Variants in CMYA5 observed in about 807,000 individuals in gnomAD.
The protein encoded by CMYA5 is cardiomyopathy-associated protein 5.
CMYA5 carries 246 observed loss-of-function variants against 318.9 expected under a neutral mutation model. The observed-to-expected ratio is 0.77, with a 90% CI of 0.70 to 0.86. The LOEUF is 0.86. Ranked by LOEUF, CMYA5 falls within the 40% of genes least tolerant of loss-of-function variation. The pLI is 0.00. For synonymous variants in CMYA5, 1,641 were observed against 1,729.5 expected, an observed-to-expected ratio of 0.95 and a Z score of 1.27; for missense variants, 4,589 against 4,678.2, an observed-to-expected ratio of 0.98 and a Z score of 0.56.
At chr5:79,766,122 G>A (rs550580185) in intron 9 of CMYA5, among the ~76,000 whole-genome samples, 19 of 152,098 alleles carry the variant, frequency 1.2e-4, no homozygotes, top group African/African-American at 2.7e-4. Flanking sequence ...TTTTTGAGAC[G>A]GGGTGTCCCT....
rs768761067 is a variant in CMYA5 at position 79,790,955 on chromosome 5, T to C, written c.11690-15T>C. On this transcript the variant is annotated splice_polypyrimidine_tract_variant and intron_variant, in intron 10 of 12. Transcript: ENST00000446378. ...TTGTGGCAATGTTTTAATACTATTTTCTCACCTGCAATAGGAACCAGATTT... is the reference window on the plus strand; with the variant it reads ...TTGTGGCAATGTTTTAATACTATTTCCTCACCTGCAATAGGAACCAGATTT... 7.6e-6 allele frequency: 12 copies of C among 1,579,780 alleles called. No individual in the cohort carries two copies. Among genetic ancestry groups the C allele is most frequent in the East Asian group, 6.7e-5 (3 of 44,716 alleles).
chr5:79,708,257 C>G (rs1484261147), intron 1 of CMYA5, among the ~76,000 whole-genome samples: 2 of 152,186 alleles, frequency 1.3e-5, no homozygotes, highest in Non-Finnish European at 2.9e-5. Context: ...AAGATAATGA[C>G]ACATAGTTTC....
intron 1 of CMYA5, among the ~76,000 whole-genome samples, chr5:79,713,995 G>T (rs188590926): frequency 6.6e-6 from 1 of 152,088 alleles, no homozygotes; most frequent in Admixed American, 6.6e-5. Context: ...GTATCCCACC[G>T]TTAGCCAATT....
chr5:79,758,668 A>C, intron 6 of CMYA5, 85 bp from the exon 7 acceptor site: 1 of 1,154,104 alleles, frequency 8.7e-7, no homozygotes, highest in Non-Finnish European at 1.2e-6. Context: ...TATTCTTTGA[A>C]TATTTTTCAA....
At chr5:79,794,092 G>A (rs1016421314) in intron 12 of CMYA5, among the ~76,000 whole-genome samples, 1 of 152,208 alleles carries the variant, frequency 6.6e-6, no homozygotes, top group Non-Finnish European at 1.5e-5. Context: ...GGAATCAACA[G>A]GAGTGAGGAA....
In CMYA5 at chr5:79,732,368, G is replaced by T; in HGVS notation, c.3603G>T (p.Leu1201Phe). ...AAGCTGCAGATGAACAGATGGCTTT[G>T]TCAAAAGTCAGAAAGGAAGAAATTG... ...TLKAADEQMA[L>F]SKVRKEEIVP... The change falls in exon 2 of 13, where the codon TTG (leucine) becomes TTT (phenylalanine). Residue 1201 changes from leucine to phenylalanine, a missense_variant. Around this residue, in one of 3 missense-constraint regions of CMYA5, gnomAD observed 2,132 missense variants for 2,131.3 expected, o/e 1.00. Coordinates refer to ENST00000446378, the MANE Select transcript of CMYA5 (RefSeq NM_153610.5). 6.2e-7 allele frequency: 1 copy of T among 1,613,708 alleles called. No individual in the cohort carries two copies. The highest frequency in any genetic ancestry group is 8.5e-7 in the Non-Finnish European group (1 of 1,179,810).
At position 79,734,084 on chromosome 5, in the gene CMYA5, A is replaced by G. The variant is rs1580771099; in HGVS notation, c.5319A>G (p.Pro1773=). ...GAAATCAAGAAATAGGCCCATTACC[A>G]CCAACTGGAAATTTGAAGGCACAAG... ...KGGNQEIGPL[P]PTGNLKAQVM... is the part of the protein sequence containing the mutation. The change falls in exon 2 of 13, where the codon CCA becomes CCG. Residue 1773 remains proline, a synonymous_variant. Coordinates refer to ENST00000446378, the MANE Select transcript of CMYA5 (RefSeq NM_153610.5). 1.9e-6 allele frequency: 3 copies of G among 1,613,780 alleles called. No individual in the cohort carries two copies. Among genetic ancestry groups the G allele is most frequent in the Non-Finnish European group, 2.5e-6 (3 of 1,179,822 alleles).
Position 79,799,480 on chromosome 5 carries a change from C to T in CMYA5, c.12074C>T (p.Ala4025Val). The T allele has an allele frequency of 6.2e-7, 1 of 1,614,026 alleles. No homozygotes were observed. The highest frequency in any genetic ancestry group is 8.5e-7 in the Non-Finnish European group (1 of 1,179,904). ...AACCAGAGACTTATCTTCATCAACG[C>T]AGAGAGCGAGCAGTTGCTCTTCATC... ...YNNQRLIFIN[A>V]ESEQLLFIIR... Residue 4025 changes from alanine (A) to valine (V), a missense_variant, in exon 13 of 13, where the codon GCA becomes GTA. Physicochemically the swap from Ala to Val is moderately conservative, Grantham distance 64. This residue lies in a region of CMYA5 where 2,431 missense variants were observed against 2,495.1 expected (regional missense o/e 0.97). Transcript: ENST00000446378.
intron 9 of CMYA5, among the ~76,000 whole-genome samples, chr5:79,779,058 C>A (rs1483350993): frequency 4.6e-4 from 24 of 52,304 alleles, no homozygotes; most frequent in African/African-American, 2.7e-3. Context: ...TGCTATCCCT[C>A]CCCCCTCCCC....
At chr5:79,712,403 G>C (rs1827412494) in intron 1 of CMYA5, among the ~76,000 whole-genome samples, 1 of 151,908 alleles carries the variant, frequency 6.6e-6, no homozygotes, top group South Asian at 2.1e-4. Flanking sequence ...TGTATAGATG[G>C]GGTATCACCA....
intron 7 of CMYA5, among the ~76,000 whole-genome samples, chr5:79,761,001 G>A (rs1580792593): frequency 6.6e-6 from 1 of 152,078 alleles, no homozygotes; most frequent in East Asian, 1.9e-4. Flanking sequence ...TTTTGAAGAT[G>A]TGACATTCAA....
chr5:79,716,521 A>G (rs1039794871), intron 1 of CMYA5, among the ~76,000 whole-genome samples: 5 of 152,266 alleles, frequency 3.3e-5, no homozygotes, highest in Non-Finnish European at 5.9e-5. Context: ...TGTTTTACTA[A>G]TAGATGTCCT....
intron 1 of CMYA5, among the ~76,000 whole-genome samples, chr5:79,726,910 T>C (rs903125280): frequency 6.5e-5 from 5 of 76,508 alleles, no homozygotes; most frequent in African/African-American, 1.1e-4. Flanking sequence ...AGGCCAGTGA[T>C]TTTTTTTTTT....
At position 79,756,754 on chromosome 5, in the gene CMYA5, C is replaced by A. The variant is rs377265189; in HGVS notation, c.11111-1999C>A. On this transcript the variant is annotated intron_variant, in intron 6 of 12. Coordinates refer to ENST00000446378, the MANE Select transcript of CMYA5 (RefSeq NM_153610.5). ...TTCTCATTTGTACCTTCTTGCTGAA[C>A]TGATCTTTATTTTTCTTTTCCTTTG... is the stretch of plus-strand genomic sequence containing the variant. Among the ~76,000 whole-genome samples the A allele has an allele frequency of 1.1e-4, 16 of 152,234 alleles. No individual in the cohort carries two copies. In the East Asian group the frequency reaches 1.2e-3, roughly 11 times the overall value.
At chr5:79,720,050 T>C (rs1232553417) in intron 1 of CMYA5, among the ~76,000 whole-genome samples, 2 of 152,222 alleles carry the variant, frequency 1.3e-5, no homozygotes, top group Non-Finnish European at 2.9e-5. Flanking sequence ...ACACACAGGA[T>C]ACAGTGAAAT....
At chr5:79,753,273 C>T (rs1331411185) in intron 6 of CMYA5, among the ~76,000 whole-genome samples, 1 of 152,152 alleles carries the variant, frequency 6.6e-6, no homozygotes, top group East Asian at 1.9e-4. Flanking sequence ...AGCTCAGCAC[C>T]ATGGTCTGTA....
chr5:79,772,614 TC>T (rs1309038473), intron 9 of CMYA5, among the ~76,000 whole-genome samples: 1 of 152,168 alleles, frequency 6.6e-6, no homozygotes, highest in African/African-American at 2.4e-5. Flanking sequence ...ATCAGAGCCA[TC>T]CCCCATCAAT....
intron 1 of CMYA5, among the ~76,000 whole-genome samples, chr5:79,695,424 A>G (rs1324666584): frequency 2.0e-5 from 3 of 152,230 alleles, no homozygotes; most frequent in Admixed American, 2.0e-4. Flanking sequence ...CTTATTAGAG[A>G]TATCTTACAT....
Position 79,735,053 on chromosome 5 carries a change from T to G in CMYA5, c.6288T>G (p.Phe2096Leu). The G allele has an allele frequency of 6.2e-7, 1 of 1,613,850 alleles. No individual in the cohort carries two copies. The highest frequency in any genetic ancestry group is 8.5e-7 in the Non-Finnish European group (1 of 1,179,812). Residue 2096 changes from phenylalanine to leucine, a missense_variant, in exon 2 of 13, where the codon TTT (phenylalanine) becomes TTG (leucine). Phe to Leu is a conservative substitution (Grantham distance 22, BLOSUM62 0). This residue lies in a region of CMYA5 where 2,431 missense variants were observed against 2,495.1 expected (regional missense o/e 0.97). Coordinates refer to ENST00000446378, the MANE Select transcript of CMYA5 (RefSeq NM_153610.5). ...EKEAHRSTPP[F>L]PEEKPLEESK... ...AAGCACACAGGAGCACACCTCCTTT[T>G]CCTGAAGAGAAGCCATTGGAAGAAT... is the stretch of plus-strand genomic sequence containing the variant.
Sources: allele counts gnomAD v4.1 joint callset (sites outside exome capture counted in the v4.1 genomes callset), GRCh38; gene constraint gnomAD v4.1.1; regional missense constraint gnomAD v4.1.1; transcripts MANE v1.5; gene names NCBI Gene and HGNC (gene_info 2026-07-23, HGNC 2026-07-21).